PDE3B: variants seen among roughly 807,000 people sequenced by gnomAD.
PDE3B encodes the protein cGMP-inhibited 3',5'-cyclic phosphodiesterase 3B.
A neutral mutation model predicts 116.8 loss-of-function variants in PDE3B; 66 were observed. That is an observed-to-expected ratio of 0.56 (90% CI 0.46 to 0.69). The LOEUF (loss-of-function observed/expected upper bound fraction) is 0.69, where lower values mean the gene tolerates loss of function less well. Ranked by LOEUF, PDE3B falls within the 30% of genes least tolerant of loss-of-function variation. PDE3B has a pLI of 0.00. For missense variants in PDE3B, 1,384 were observed against 1,368.1 expected (o/e 1.01, Z -0.18); for synonymous variants, 595 against 533.6 (o/e 1.12, Z -1.59).
At chr11:14,725,838 G>T (rs1308531523) in intron 1 of PDE3B, among the ~76,000 whole-genome samples, 2 of 151,350 alleles carry the variant, frequency 1.3e-5, no homozygotes, top group African/African-American at 4.9e-5. Context: ...ATATAATCTG[G>T]TATTCACATT....
At chr11:14,802,214 C>T (rs956059156) in intron 4 of PDE3B, among the ~76,000 whole-genome samples, 2 of 152,202 alleles carry the variant, frequency 1.3e-5, no homozygotes, top group Admixed American at 6.5e-5. Context: ...AAAACTCTTG[C>T]AGCTAGTTTG....
chr11:14,876,639 C>A (rs563583054), downstream of PDE3B, among the ~76,000 whole-genome samples: 1 of 152,290 alleles, frequency 6.6e-6, no homozygotes, highest in East Asian at 1.9e-4. Context: ...ACACAAAAAA[C>A]AGTTTTCTGG....
chr11:14,885,660 AAT>A, the PDE3B span: 7 of 1,125,160 alleles, frequency 6.2e-6, no homozygotes, highest in South Asian at 1.4e-5. Context: ...TCTGTAAATA[AAT>A]AGTTTCTTAT....
the PDE3B span, chr11:14,891,965 C>G: frequency 6.2e-7 from 1 of 1,610,850 alleles, no homozygotes; most frequent in Non-Finnish European, 8.5e-7. Flanking sequence ...CTGCCCGGGG[C>G]CCGTCGGGGC....
chr11:14,670,636 G>A (rs908441463), intron 1 of PDE3B, among the ~76,000 whole-genome samples: 1 of 152,100 alleles, frequency 6.6e-6, no homozygotes, highest in Non-Finnish European at 1.5e-5. Flanking sequence ...TCAAGGGGAT[G>A]TTTTAAAGTA....
At chr11:14,742,362 C>A (rs1476564706) in intron 1 of PDE3B, among the ~76,000 whole-genome samples, 1 of 152,104 alleles carries the variant, frequency 6.6e-6, no homozygotes, top group Non-Finnish European at 1.5e-5. Flanking sequence ...TCCTTTCTTC[C>A]ACTTGATGAG....
chr11:14,859,937 C>G lies in PDE3B; in HGVS notation c.2724+691C>G, dbSNP rs183390299. ...TGAGAACCACTGCTTTAGATTCCCACCCTGGCTTGCAGGAAGCTGCTATTT... is the reference window on the plus strand; with the variant it reads ...TGAGAACCACTGCTTTAGATTCCCAGCCTGGCTTGCAGGAAGCTGCTATTT... On this transcript the variant is annotated intron_variant, in intron 13 of 15. Coordinates refer to ENST00000282096, the MANE Select transcript of PDE3B (RefSeq NM_000922.4). Among the ~76,000 whole-genome samples the G allele has an allele frequency of 5.1e-4, 77 of 152,222 alleles. 1 individual carries two copies. The highest frequency in any genetic ancestry group is 9.9e-4 in the Non-Finnish European group (67 of 67,996).
At chr11:14,695,503 T>C (rs948168727) in intron 1 of PDE3B, among the ~76,000 whole-genome samples, 2 of 152,120 alleles carry the variant, frequency 1.3e-5, no homozygotes, top group African/African-American at 4.8e-5. Context: ...TAGGTATATG[T>C]ATTTTTAAAA....
At chr11:14,884,712 GAAAT>G in the PDE3B span, among the ~76,000 whole-genome samples, 1 of 151,490 alleles carries the variant, frequency 6.6e-6, no homozygotes, top group Non-Finnish European at 1.5e-5. Flanking sequence ...ATTAAAAAAA[GAAAT>G]AAAAAAACAC....
intron 7 of PDE3B, 136 bp downstream of exon 7, chr11:14,819,345 C>G (rs931878576): frequency 1.8e-6 from 1 of 551,546 alleles, no homozygotes; most frequent in Non-Finnish European, 3.4e-6. Context: ...ACCCACTTCA[C>G]AGAGGACTTA....
chr11:14,687,992 C>T (rs1854924004), intron 1 of PDE3B, among the ~76,000 whole-genome samples: 2 of 152,024 alleles, frequency 1.3e-5, no homozygotes, highest in Admixed American at 1.3e-4. Flanking sequence ...TAAAGCTGCA[C>T]TCAGAATTTT....
intron 2 of PDE3B, chr11:14,774,861 G>C (rs1857739348): frequency 6.6e-6 from 1 of 152,122 alleles, no homozygotes; most frequent in Non-Finnish European, 1.5e-5. Flanking sequence ...GTACTTCTCT[G>C]TCTTTGTCTT....
chr11:14,661,620 C>T lies in PDE3B; in HGVS notation c.978+16567C>T, dbSNP rs368085161. On this transcript the variant is annotated intron_variant, in intron 1 of 15. Transcript: ENST00000282096. ...CTCCCACCCTAATACTGCGCTTTTCCGACGGGCTTAAAAAACGGCGCACCA... is the reference window on the plus strand; with the variant it reads ...CTCCCACCCTAATACTGCGCTTTTCTGACGGGCTTAAAAAACGGCGCACCA... Among the ~76,000 whole-genome samples, 380 of 152,270 alleles carry T rather than the reference C, an allele frequency of 2.5e-3. 1 individual carries two copies. Among genetic ancestry groups the T allele is most frequent in the African/African-American group, 8.5e-3 (353 of 41,554 alleles).
At position 14,661,267 on chromosome 11, in the gene PDE3B, G is replaced by C. The variant is rs577327022; in HGVS notation, c.978+16214G>C. Among the ~76,000 whole-genome samples, 713 of 152,310 alleles carry C rather than the reference G, an allele frequency of 4.7e-3. 11 individuals are homozygous for C. Among genetic ancestry groups the C allele is most frequent in the African/African-American group, 0.016 (676 of 41,564 alleles). On this transcript the variant is annotated intron_variant, in intron 1 of 15. Transcript: ENST00000282096. ...CACAATAGCAAAGACTTGGAACCAA[G>C]CCAAATGTCCAACAATGATAGACTG...
chr11:14,721,271 ACAG>A (rs996021942), intron 1 of PDE3B, among the ~76,000 whole-genome samples: 121 of 152,284 alleles, frequency 7.9e-4, no homozygotes, highest in Middle Eastern at 3.4e-3. Context: ...AAGTCAGGAA[ACAG>A]CAGGTGCTGG....
At chr11:14,658,702 A>G (rs775510984) in intron 1 of PDE3B, among the ~76,000 whole-genome samples, 5 of 152,346 alleles carry the variant, frequency 3.3e-5, no homozygotes, top group Admixed American at 6.5e-5. Flanking sequence ...TGGAATGTAC[A>G]TAATTTAAAA....
intron 1 of PDE3B, among the ~76,000 whole-genome samples, chr11:14,682,701 T>C (rs1218261470): frequency 6.6e-6 from 1 of 152,134 alleles, no homozygotes; most frequent in Admixed American, 6.6e-5. Context: ...TTCTTATACA[T>C]TGCTGGATTT....
At chr11:14,689,101 G>A (rs748200046) in intron 1 of PDE3B, among the ~76,000 whole-genome samples, 4 of 152,120 alleles carry the variant, frequency 2.6e-5, no homozygotes, top group Non-Finnish European at 4.4e-5. Context: ...AGGGAAGTTC[G>A]TGCAATTAAA....
At position 14,832,904 on chromosome 11, in the gene PDE3B, T is replaced by C. The variant is rs1859937390; in HGVS notation, c.2206+71T>C. 14 of 699,940 alleles carry C rather than the reference T, an allele frequency of 2.0e-5. No individual in the cohort carries two copies. In the East Asian group the frequency reaches 4.0e-4, roughly 20 times the overall value. The allele number at this position is 699,940 out of a possible 1,614,324, so 43.4% of individuals were successfully genotyped here. On this transcript the variant is annotated intron_variant, in intron 10 of 15. Coordinates refer to ENST00000282096, the MANE Select transcript of PDE3B (RefSeq NM_000922.4). ...TTTGAAACTCTTTATCATCTTTCTC[T>C]TCAGATGGTCCCTTAAACACTTTTA...
Sources: allele counts gnomAD v4.1 joint callset (sites outside exome capture counted in the v4.1 genomes callset), GRCh38; gene constraint gnomAD v4.1.1; transcripts MANE v1.5; gene names NCBI Gene and HGNC (gene_info 2026-07-23, HGNC 2026-07-21).